Variants in ZNF385D observed in about 807,000 individuals in gnomAD.
The protein encoded by ZNF385D is zinc finger protein 659.
Under a neutral mutation model 35.8 loss-of-function variants are expected in ZNF385D, and 15 were observed. That is an observed-to-expected ratio of 0.42 (90% confidence interval 0.28 to 0.64). The LOEUF is 0.64. ZNF385D is among the 30% of genes least tolerant of loss of function. The pLI is 0.23. For synonymous variants in ZNF385D, 212 were observed against 186.8 expected (o/e 1.13, Z -1.10); for missense variants, 474 against 494.6 (o/e 0.96, Z 0.39).
Position 21,417,723 on chromosome 3 carries a change from T to A in ZNF385D, c.*3491A>T, listed in dbSNP as rs562931501. 1.3e-5 allele frequency: 2 copies of A among 152,312 alleles called. No homozygotes were observed. Among genetic ancestry groups the A allele is most frequent in the Non-Finnish European group, 2.9e-5 (2 of 68,010 alleles). The allele number at this position is 152,312 out of a possible 1,614,324, so 9.4% of individuals were successfully genotyped here. On this transcript the variant is annotated 3_prime_UTR_variant, in exon 8 of 8. Coordinates refer to ENST00000281523, the MANE Select transcript of ZNF385D (RefSeq NM_024697.3). ...ACTTCTGCTGTCTTTTAATTCTTAG[T>A]CTTTTATGATTTCCTGCTCTTTTAA...
At chr3:21,992,866 T>G (rs1695229722) in intron 3 of ZNF385D, among the ~76,000 whole-genome samples, 1 of 152,198 alleles carries the variant, frequency 6.6e-6, no homozygotes, top group Non-Finnish European at 1.5e-5. Flanking sequence ...AATCTTAGTA[T>G]GCATAGCTGA....
chr3:22,176,930 C>T (rs147311897), intron 2 of ZNF385D, among the ~76,000 whole-genome samples: 22 of 152,248 alleles, frequency 1.4e-4, no homozygotes, highest in East Asian at 7.7e-4. Flanking sequence ...TAAATTTCAA[C>T]GTCACGAATG....
intron 1 of ZNF385D, among the ~76,000 whole-genome samples, chr3:21,736,963 G>A (rs568288937): frequency 5.3e-5 from 8 of 152,038 alleles, no homozygotes; most frequent in East Asian, 1.9e-4. Flanking sequence ...TTTTTGAGGC[G>A]GAGTCTCGCT....
chr3:21,556,935 T>C (rs1436035794), intron 3 of ZNF385D, among the ~76,000 whole-genome samples: 1 of 152,206 alleles, frequency 6.6e-6, no homozygotes, highest in Non-Finnish European at 1.5e-5. Context: ...TTTGTAGCAA[T>C]TGTGAATAGG....
At chr3:21,649,008 A>G (rs374261987) in intron 2 of ZNF385D, among the ~76,000 whole-genome samples, 18 of 152,274 alleles carry the variant, frequency 1.2e-4, no homozygotes, top group Admixed American at 2.6e-4. Flanking sequence ...TAAATCTACA[A>G]TACAAACCTA....
At chr3:22,170,953 G>C (rs552086494) in intron 2 of ZNF385D, among the ~76,000 whole-genome samples, 1 of 152,178 alleles carries the variant, frequency 6.6e-6, no homozygotes, top group East Asian at 1.9e-4. Flanking sequence ...CCAAAAATAA[G>C]ATGTAAATTT....
chr3:22,256,451 T>A (rs1291641127), intron 2 of ZNF385D, among the ~76,000 whole-genome samples: 1 of 151,816 alleles, frequency 6.6e-6, no homozygotes, highest in Non-Finnish European at 1.5e-5. Context: ...ATTGATCATT[T>A]TTTTTAGTTC....
intron 3 of ZNF385D, among the ~76,000 whole-genome samples, chr3:21,837,499 A>C (rs1489218782): frequency 2.0e-5 from 3 of 152,092 alleles, no homozygotes; most frequent in Non-Finnish European, 4.4e-5. Flanking sequence ...AAGTGAGTAC[A>C]GGTGCATGGC....
At chr3:21,721,342 G>A (rs1270749036) in intron 1 of ZNF385D, among the ~76,000 whole-genome samples, 1 of 151,390 alleles carries the variant, frequency 6.6e-6, no homozygotes, top group Non-Finnish European at 1.5e-5. Flanking sequence ...TATGAAGAAA[G>A]GGCAACTAAA....
intron 3 of ZNF385D, among the ~76,000 whole-genome samples, chr3:21,937,344 T>C (rs925641144): frequency 6.6e-6 from 1 of 152,146 alleles, no homozygotes; most frequent in Non-Finnish European, 1.5e-5. Flanking sequence ...GCCTTTGACC[T>C]TCGGAGAACA....
In ZNF385D at chr3:21,646,178, G is replaced by A. The variant is rs2065747812; in HGVS notation, c.165+18708C>T. Among the ~76,000 whole-genome samples, 1 of 152,148 alleles carries A rather than the reference G, an allele frequency of 6.6e-6. No homozygotes were observed. Among genetic ancestry groups the A allele is most frequent in the African/African-American group, 2.4e-5 (1 of 41,430 alleles). On this transcript the variant is annotated intron_variant, in intron 2 of 7. Coordinates refer to ENST00000281523, the MANE Select transcript of ZNF385D (RefSeq NM_024697.3). The surrounding 1 kb of genome is among the most constrained non-coding windows in gnomAD (Gnocchi z 4.3). ...ATTTTAAAAGTTAAGGAAGGGAGAT[G>A]TATAATTTTTAGGGTGTCAAAACCG...
chr3:21,529,223 T>C (rs1303277886), intron 3 of ZNF385D, among the ~76,000 whole-genome samples: 2 of 152,130 alleles, frequency 1.3e-5, no homozygotes, highest in East Asian at 3.9e-4. Context: ...TTTCTTACCA[T>C]TGCAGGAAAG....
chr3:22,332,918 C>A (rs556281255), intron 2 of ZNF385D, among the ~76,000 whole-genome samples: 1 of 144,868 alleles, frequency 6.9e-6, no homozygotes, highest in African/African-American at 2.5e-5. Flanking sequence ...TTTTTTTTTC[C>A]TGGTGTTTTA....
rs1481560095 is a variant in ZNF385D, at chr3:22,244,266, G to A, written c.107-75231C>T. Among the ~76,000 whole-genome samples the A allele has an allele frequency of 2.1e-5, 3 of 143,208 alleles. 1 individual carries two copies. Among genetic ancestry groups the A allele is most frequent in the African/African-American group, 7.8e-5 (3 of 38,662 alleles). The allele number at this position is 143,208 out of a possible 152,430, so 94.0% of individuals were successfully genotyped here. On this transcript the variant is annotated intron_variant, in intron 2 of 5. Coordinates refer to the ZNF385D transcript ENST00000494108. ...TTTGTTATAACAGCCTTGGACTTGTGATTTATCTTGAAATTGTGTTACTCT... is the reference window on the plus strand; with the variant it reads ...TTTGTTATAACAGCCTTGGACTTGTAATTTATCTTGAAATTGTGTTACTCT...
intron 1 of ZNF385D, among the ~76,000 whole-genome samples, chr3:21,669,997 G>T (rs2066514640): frequency 6.6e-6 from 1 of 152,122 alleles, no homozygotes; most frequent in South Asian, 2.1e-4. Context: ...CATCCTGCCT[G>T]ACAACTTCAT....
chr3:22,009,431 G>A (rs987418874), intron 3 of ZNF385D, among the ~76,000 whole-genome samples: 2 of 152,010 alleles, frequency 1.3e-5, no homozygotes, highest in East Asian at 3.9e-4. Context: ...AGACCATCCT[G>A]GCTAACACGG....
At chr3:22,081,000 C>T (rs962496235) in intron 3 of ZNF385D, among the ~76,000 whole-genome samples, 4 of 152,160 alleles carry the variant, frequency 2.6e-5, no homozygotes, top group Non-Finnish European at 5.9e-5. Flanking sequence ...GCTTATGATA[C>T]ATATGTATGT....
chr3:21,709,172 A>C (rs1489537335), intron 1 of ZNF385D, among the ~76,000 whole-genome samples: 1 of 152,210 alleles, frequency 6.6e-6, no homozygotes, highest in Non-Finnish European at 1.5e-5. Context: ...GGATACCATA[A>C]TGTTTATTTC....
At position 21,932,039 on chromosome 3, in the gene ZNF385D, C is replaced by T. The variant is rs569387569; in HGVS notation, c.325+236778G>A. Among the ~76,000 whole-genome samples the T allele has an allele frequency of 4.0e-5, 6 of 151,812 alleles. No individual in the cohort carries two copies. The South Asian group carries it at 1.2e-3, about 32-fold the overall frequency. ...AAAATTAGCCGGGAGCGGTGGCGGG[C>T]ACCTGTGGTCCCAGCTACTCGGGAG... is the stretch of plus-strand genomic sequence containing the variant. On this transcript the variant is annotated intron_variant, in intron 3 of 5. Transcript: ENST00000494108.
Sources: allele counts gnomAD v4.1 joint callset (sites outside exome capture counted in the v4.1 genomes callset), GRCh38; gene constraint gnomAD v4.1.1; non-coding constraint Gnocchi (gnomAD v3.1); transcripts MANE v1.5; gene names NCBI Gene and HGNC (gene_info 2026-07-23, HGNC 2026-07-21).